CSMD1: variants seen among roughly 807,000 people sequenced by gnomAD.
The protein encoded by CSMD1 is CUB and Sushi multiple domains 1.
A neutral mutation model predicts 417.5 loss-of-function variants in CSMD1; 213 were observed. That is an observed-to-expected ratio of 0.51 (90% confidence interval 0.46 to 0.57). CSMD1 has a LOEUF of 0.57. Among genes scored for constraint, CSMD1 ranks in the 20% least tolerant of loss-of-function variants. The pLI, the probability that CSMD1 is intolerant of heterozygous loss-of-function variation, is 0.00. For synonymous variants in CSMD1, 2,862 were observed against 1,736.8 expected (o/e 1.65, Z -16.11); for missense variants, 6,923 against 4,529.7 (o/e 1.53, Z -15.17).
intron 1 of CSMD1, among the ~76,000 whole-genome samples, chr8:4,966,139 G>C (rs1354126907): frequency 6.7e-6 from 1 of 150,096 alleles, no homozygotes; most frequent in Non-Finnish European, 1.5e-5. Context: ...CGAGGCAGGT[G>C]GATCACCTGA....
At chr8:3,235,080 A>G (rs1186872868) in intron 26 of CSMD1, among the ~76,000 whole-genome samples, 1 of 152,208 alleles carries the variant, frequency 6.6e-6, no homozygotes, top group East Asian at 1.9e-4. Flanking sequence ...TTTCTGTCAC[A>G]GTTTATATAG....
intron 2 of CSMD1, among the ~76,000 whole-genome samples, chr8:4,618,325 G>T (rs944551366): frequency 1.3e-5 from 2 of 151,938 alleles, no homozygotes; most frequent in African/African-American, 4.8e-5. Context: ...AATCCAGGAA[G>T]CCCAGCTTTG....
intron 3 of CSMD1, among the ~76,000 whole-genome samples, chr8:4,257,892 G>A (rs527993663): frequency 6.6e-6 from 1 of 152,278 alleles, no homozygotes; most frequent in African/African-American, 2.4e-5. Flanking sequence ...CCTCTGTTGT[G>A]ACCAGGCTAA....
chr8:4,724,599 G>C (rs773763940), intron 1 of CSMD1, among the ~76,000 whole-genome samples: 3 of 150,904 alleles, frequency 2.0e-5, no homozygotes, highest in Middle Eastern at 3.2e-3. Flanking sequence ...AAGAAGAATT[G>C]ACATAATATA....
intron 2 of CSMD1, among the ~76,000 whole-genome samples, chr8:4,517,359 G>A (rs1053739122): frequency 2.6e-5 from 4 of 152,178 alleles, no homozygotes; most frequent in African/African-American, 9.7e-5. Context: ...TGCTGTCAGT[G>A]CAGTCATAGG....
At chr8:4,076,434 C>T (rs956550561) in intron 3 of CSMD1, among the ~76,000 whole-genome samples, 2 of 152,092 alleles carry the variant, frequency 1.3e-5, no homozygotes, top group African/African-American at 4.8e-5. Flanking sequence ...TAGACTTTCT[C>T]TGGTTTATGG....
At chr8:4,723,291 T>A (rs1447014391) in intron 1 of CSMD1, among the ~76,000 whole-genome samples, 1 of 152,168 alleles carries the variant, frequency 6.6e-6, no homozygotes, top group Non-Finnish European at 1.5e-5. Flanking sequence ...TAACTGGGAA[T>A]CATCCAATTA....
intron 25 of CSMD1, among the ~76,000 whole-genome samples, chr8:3,293,471 C>G (rs147231444): frequency 2.0e-5 from 3 of 152,154 alleles, no homozygotes; most frequent in Non-Finnish European, 2.9e-5. Flanking sequence ...ACCAATCAGA[C>G]GTAGATTCGG....
chr8:2,942,692 T>A (rs928432661), intron 68 of CSMD1, 88 bp from the exon 69 acceptor site: 3 of 1,043,608 alleles, frequency 2.9e-6, no homozygotes, highest in Non-Finnish European at 3.9e-6. Flanking sequence ...GGATACGAAC[T>A]CTTCAAGAAG....
At chr8:4,787,024 G>A (rs1797435266) in intron 1 of CSMD1, among the ~76,000 whole-genome samples, 1 of 152,218 alleles carries the variant, frequency 6.6e-6, no homozygotes, top group African/African-American at 2.4e-5. Flanking sequence ...GTGGAAGGAA[G>A]CAGATAGAGC....
At chr8:4,066,027 C>G (rs1439165071) in intron 3 of CSMD1, among the ~76,000 whole-genome samples, 1 of 152,138 alleles carries the variant, frequency 6.6e-6, no homozygotes, top group African/African-American at 2.4e-5. Flanking sequence ...TGGAGGAAGT[C>G]AGAAGGAGCC....
chr8:3,511,921 C>T (rs1467108948), intron 10 of CSMD1, among the ~76,000 whole-genome samples: 12 of 143,492 alleles, frequency 8.4e-5, no homozygotes, highest in African/African-American at 1.6e-4. Flanking sequence ...AAAAAAAAAA[C>T]GGTTGTTATA....
rs112262886 is a variant in CSMD1, at chr8:3,651,497, C to T, written c.1010-34700G>A. Among the ~76,000 whole-genome samples, 9 of 152,280 alleles carry T rather than the reference C, an allele frequency of 5.9e-5. 1 individual carries two copies. Among genetic ancestry groups the T allele is most frequent in the African/African-American group, 2.2e-4 (9 of 41,550 alleles). The stretch of plus-strand genomic sequence containing the variant: ...TCTAGAACACTCTTCCTCCACTTAT[C>T]TGCATAGCTGGCCTCGGTTTCTCCA... On this transcript the variant is annotated intron_variant, in intron 7 of 69. Coordinates refer to ENST00000635120, the MANE Select transcript of CSMD1 (RefSeq NM_033225.6).
At chr8:3,024,027 A>C (rs1002829702) in intron 51 of CSMD1, among the ~76,000 whole-genome samples, 9 of 152,110 alleles carry the variant, frequency 5.9e-5, no homozygotes, top group African/African-American at 2.2e-4. Context: ...AAAATGTGTC[A>C]TGTTCATTAC....
chr8:4,063,153 T>C (rs1047829445), intron 3 of CSMD1, among the ~76,000 whole-genome samples: 2 of 152,262 alleles, frequency 1.3e-5, no homozygotes, highest in Middle Eastern at 3.4e-3. Context: ...CCTAGAAGAT[T>C]TGGAAATGAT....
chr8:4,313,626 C>T (rs1798754348), intron 3 of CSMD1, among the ~76,000 whole-genome samples: 1 of 151,812 alleles, frequency 6.6e-6, no homozygotes, highest in African/African-American at 2.4e-5. Context: ...CATGCAGATG[C>T]CATTTAAACA....
At chr8:3,792,692 T>C (rs1341283275) in intron 5 of CSMD1, among the ~76,000 whole-genome samples, 1 of 152,182 alleles carries the variant, frequency 6.6e-6, no homozygotes, top group Non-Finnish European at 1.5e-5. Context: ...TGAAATCTTT[T>C]CTAAAATTGA....
At chr8:4,719,733 A>G (rs1808927642) in intron 1 of CSMD1, among the ~76,000 whole-genome samples, 9 of 152,216 alleles carry the variant, frequency 5.9e-5, no homozygotes, top group Admixed American at 5.9e-4. Context: ...TAAATTACCT[A>G]AAGAATTCCT....
At chr8:3,501,510 C>T (rs890967056) in intron 10 of CSMD1, among the ~76,000 whole-genome samples, 1 of 152,130 alleles carries the variant, frequency 6.6e-6, no homozygotes, top group Non-Finnish European at 1.5e-5. Flanking sequence ...GACCCTACAT[C>T]TTGGAATAAG....
Sources: allele counts gnomAD v4.1 joint callset (sites outside exome capture counted in the v4.1 genomes callset), GRCh38; gene constraint gnomAD v4.1.1; transcripts MANE v1.5; gene names NCBI Gene and HGNC (gene_info 2026-07-23, HGNC 2026-07-21).